Variants in ZNF697 observed in about 807,000 individuals in gnomAD.
The protein encoded by ZNF697 is zinc finger protein 697.
Under a neutral mutation model 32.4 loss-of-function variants are expected in ZNF697, and 23 were observed. That is an observed-to-expected ratio of 0.71 (90% confidence interval 0.51 to 1.01). The LOEUF (loss-of-function observed/expected upper bound fraction) is 1.01, where lower values mean the gene tolerates loss of function less well. ZNF697 is among the 50% of genes least tolerant of loss of function. The pLI is 0.00. For missense variants in ZNF697, 930 were observed against 794.0 expected (o/e 1.17, Z -2.06); for synonymous variants, 418 against 337.2 (o/e 1.24, Z -2.62).
chr1:119,634,631 C>A (rs1343854498), intron 1 of ZNF697, among the ~76,000 whole-genome samples: 1 of 152,108 alleles, frequency 6.6e-6, no homozygotes, highest in Non-Finnish European at 1.5e-5. Flanking sequence ...CAGCAAAAAC[C>A]AGATCATAGG....
In ZNF697 at chr1:119,648,232, G is replaced by GGCTGGCTGGCTGGCTC. The variant is rs1442687647; in HGVS notation, c.-580_-579insGAGCCAGCCAGCCAGC. Among the ~76,000 whole-genome samples, 2 of 149,000 alleles carry GGCTGGCTGGCTGGCTC rather than the reference G, an allele frequency of 1.3e-5. No individual in the cohort carries two copies. Among genetic ancestry groups the GGCTGGCTGGCTGGCTC allele is most frequent in the Non-Finnish European group, 3.0e-5 (2 of 67,108 alleles). On this transcript the variant is annotated 5_prime_UTR_variant, in exon 1 of 3. Transcript: ENST00000421812. ...TGGCTGGCTGGCTGGCTGGCTGGCT[G>GGCTGGCTGGCTGGCTC]GCTCGCTGGCTGGCTGCCCGGCTGA...
intron 1 of ZNF697, among the ~76,000 whole-genome samples, chr1:119,644,335 A>G (rs1649150225): frequency 6.6e-6 from 1 of 152,244 alleles, no homozygotes; most frequent in Non-Finnish European, 1.5e-5. Flanking sequence ...ACTGATGGTC[A>G]TTAGAGTTTA....
At position 119,622,456 on chromosome 1, in the gene ZNF697, T is replaced by C; in HGVS notation, c.*249A>G. On this transcript the variant is annotated 3_prime_UTR_variant, in exon 3 of 3. Transcript: ENST00000421812. ...AGCTCTTCACCCCCTACAGCGTGTA[T>C]TTAAGGAAGTCATCACCCCAAGCGC... 1 of 613,586 alleles carries C rather than the reference T, an allele frequency of 1.6e-6. No individual in the cohort carries two copies. The highest frequency in any genetic ancestry group is 2.5e-6 in the Non-Finnish European group (1 of 395,472). 38.0% of individuals were successfully genotyped at this position (613,586 alleles called of 1,614,324 possible). A position where few individuals can be genotyped will look rare whatever the true frequency, so the allele number is the denominator to read the frequency against.
At position 119,623,960 on chromosome 1, in the gene ZNF697, C is replaced by CGGTTCT; in HGVS notation, c.377_382dup (p.Asn127_Arg128insGlnAsn). On this transcript the variant is annotated inframe_insertion, in exon 3 of 3. Transcript: ENST00000421812. ...CGGCTGCTCCTCTTCCTCCTCCAGC[C>CGGTTCT]GGTTCTCCCCAGCACTCTCGTCGTC... 6.2e-7 allele frequency: 1 copy of CGGTTCT among 1,605,206 alleles called. No homozygotes were observed. Among genetic ancestry groups the CGGTTCT allele is most frequent in the Non-Finnish European group, 8.5e-7 (1 of 1,176,050 alleles).
At chr1:119,635,840 G>A (rs949739949) in intron 1 of ZNF697, among the ~76,000 whole-genome samples, 6 of 152,192 alleles carry the variant, frequency 3.9e-5, no homozygotes, top group African/African-American at 1.4e-4. Context: ...AGTGTTGTCA[G>A]ACAGTGCTCA....
intron 1 of ZNF697, among the ~76,000 whole-genome samples, chr1:119,638,665 T>G (rs1648987725): frequency 6.6e-6 from 1 of 152,196 alleles, no homozygotes; most frequent in South Asian, 2.1e-4. Flanking sequence ...GTTTTGCCTC[T>G]TCCTGTAGCT....
At position 119,622,659 on chromosome 1, in the gene ZNF697, A is replaced by G. The variant is rs1425260709; in HGVS notation, c.*46T>C. 1 of 1,463,354 alleles carries G rather than the reference A, an allele frequency of 6.8e-7. No homozygotes were observed. Among genetic ancestry groups the G allele is most frequent in the South Asian group, 1.4e-5 (1 of 71,600 alleles). The allele number at this position is 1,463,354 out of a possible 1,614,324, so 90.6% of individuals were successfully genotyped here. ...CCCCTGGGTCAGTCCCAGGATATCT[A>G]CCCCCCACAGGCTCCCCAGACGGCA... On this transcript the variant is annotated 3_prime_UTR_variant, in exon 3 of 3. Coordinates refer to ENST00000421812, the MANE Select transcript of ZNF697 (RefSeq NM_001080470.2).
At chr1:119,633,397 G>T (rs376965214) in intron 1 of ZNF697, among the ~76,000 whole-genome samples, 3 of 129,852 alleles carry the variant, frequency 2.3e-5, no homozygotes, top group African/African-American at 8.8e-5. Context: ...TGTGTGTATA[G>T]AGAGAGAGAG....
chr1:119,640,328 G>C (rs1649033785), intron 1 of ZNF697, among the ~76,000 whole-genome samples: 1 of 152,138 alleles, frequency 6.6e-6, no homozygotes, highest in South Asian at 2.1e-4. Context: ...CTAGTGATTT[G>C]GCAAAATCAC....
At position 119,623,301 on chromosome 1, in the gene ZNF697, C is replaced by A. The variant is rs1477675724; in HGVS notation, c.1042G>T (p.Ala348Ser). 7.4e-7 allele frequency: 1 copy of A among 1,360,308 alleles called. No individual in the cohort carries two copies. The highest frequency in any genetic ancestry group is 1.7e-5 in the South Asian group (1 of 59,970). 84.3% of individuals were successfully genotyped at this position (1,360,308 alleles called of 1,614,324 possible). Reference sequence around the variant, plus strand: ...CCGCAGGCGAAGGGCCGCAGCGCCGCCGCCCCCGCGCCGCTGGCCGCCGCG... The same window carrying A: ...CCGCAGGCGAAGGGCCGCAGCGCCGACGCCCCCGCGCCGCTGGCCGCCGCG... ...AHAAASGAGA[A>S]ALRPFACGEC... The change falls in exon 3 of 3, where the codon GCG (alanine) becomes TCG (serine). Residue 348 changes from alanine (A) to serine (S), a missense_variant. Transcript: ENST00000421812.
At chr1:119,631,419 A>G (rs1648764147) in intron 1 of ZNF697, among the ~76,000 whole-genome samples, 1 of 152,210 alleles carries the variant, frequency 6.6e-6, no homozygotes, top group Non-Finnish European at 1.5e-5. Flanking sequence ...CGTCTCTCTC[A>G]GGTAGAGACA....
intron 1 of ZNF697, among the ~76,000 whole-genome samples, chr1:119,639,641 G>A (rs903959609): frequency 6.6e-6 from 1 of 151,856 alleles, no homozygotes; most frequent in Non-Finnish European, 1.5e-5. Context: ...CACTTTTGGG[G>A]GCCAAAGCCA....
rs912970585 is a variant in ZNF697, at chr1:119,621,975, G to A, written c.*730C>T. 3 of 152,600 alleles carry A rather than the reference G, an allele frequency of 2.0e-5. No individual in the cohort carries two copies. Among genetic ancestry groups the A allele is most frequent in the African/African-American group, 4.8e-5 (2 of 41,454 alleles). 9.5% of individuals were successfully genotyped at this position (152,600 alleles called of 1,614,324 possible). On this transcript the variant is annotated 3_prime_UTR_variant, in exon 3 of 3. Transcript: ENST00000421812. ...CAGGTAAACCACCTTGACCCAGCAT[G>A]AAGCTAGAGTATTTTCAAGGAAGTA...
In ZNF697 at chr1:119,622,709, C is replaced by A; in HGVS notation, c.1634G>T (p.Cys545Phe). The A allele has an allele frequency of 6.5e-7, 1 of 1,528,532 alleles. No individual in the cohort carries two copies. The highest frequency in any genetic ancestry group is 8.8e-7 in the Non-Finnish European group (1 of 1,134,752). The allele number at this position is 1,528,532 out of a possible 1,614,324, so 94.7% of individuals were successfully genotyped here. A position where few individuals can be genotyped will look rare whatever the true frequency, so the allele number is the denominator to read the frequency against. ...AGCCTCCCGCGGACCCAGCCCCTAA[C>A]ACAGGTGCAGCTTCTGGTGCTGCGC... ...HLAQHQKLHL[C>F] is the part of the protein sequence containing the mutation. The change falls in exon 3 of 3, where the codon TGT becomes TTT. Residue 545 changes from cysteine (C) to phenylalanine (F), a missense_variant. By Grantham distance (205) the Cys-to-Phe change is radical. Coordinates refer to ENST00000421812, the MANE Select transcript of ZNF697 (RefSeq NM_001080470.2).
At chr1:119,642,934 G>A (rs1158252565) in intron 1 of ZNF697, among the ~76,000 whole-genome samples, 1 of 152,168 alleles carries the variant, frequency 6.6e-6, no homozygotes, top group African/African-American at 2.4e-5. Flanking sequence ...AGGCTTCCAG[G>A]TATGGGGGAC....
At position 119,622,402 on chromosome 1, in the gene ZNF697, T is replaced by A; in HGVS notation, c.*303A>T. On this transcript the variant is annotated 3_prime_UTR_variant, in exon 3 of 3. Transcript: ENST00000421812. ...CCTGTTCCCACCCCAGCCCACGAAC[T>A]GCCCTTCCTCAAAGTGCCTGGTCCT... is the stretch of plus-strand genomic sequence containing the variant. 1 of 300,078 alleles carries A rather than the reference T, an allele frequency of 3.3e-6. No homozygotes were observed. The highest frequency in any genetic ancestry group is 5.4e-6 in the Non-Finnish European group (1 of 183,804). The allele number at this position is 300,078 out of a possible 1,614,324, so 18.6% of individuals were successfully genotyped here. A position where few individuals can be genotyped will look rare whatever the true frequency, so the allele number is the denominator to read the frequency against.
At position 119,638,718 on chromosome 1, in the gene ZNF697, C is replaced by G. The variant is rs587619900; in HGVS notation, c.-38+8973G>C. 9.2e-5 allele frequency among the ~76,000 whole-genome samples: 14 copies of G among 152,288 alleles called. No homozygotes were observed. The South Asian group carries it at 2.7e-3, about 29-fold the overall frequency. The stretch of plus-strand genomic sequence containing the variant: ...CCAAAGACCTCACAAATTTGAACCT[C>G]TCACCCAACCCCTGACCTGCACTCC... On this transcript the variant is annotated intron_variant, in intron 1 of 2. Coordinates refer to ENST00000421812, the MANE Select transcript of ZNF697 (RefSeq NM_001080470.2).
intron 1 of ZNF697, among the ~76,000 whole-genome samples, chr1:119,634,437 CA>C (rs1369653725): frequency 1.3e-5 from 2 of 151,992 alleles, no homozygotes; most frequent in African/African-American, 4.8e-5. Context: ...AGATATCTTC[CA>C]AAAAGAAAAA....
rs587733957 is a variant in ZNF697, at chr1:119,642,060, C to T, written c.-38+5631G>A. Among the ~76,000 whole-genome samples, 16 of 152,160 alleles carry T rather than the reference C, an allele frequency of 1.1e-4. No homozygotes were observed. The South Asian group carries it at 1.5e-3, about 14-fold the overall frequency. ...GACAACATCAAATTAGCTATCAAGG[C>T]GTGAAAAAACATGGAGAAACCTTAA... On this transcript the variant is annotated intron_variant, in intron 1 of 2. Coordinates refer to ENST00000421812, the MANE Select transcript of ZNF697 (RefSeq NM_001080470.2).
Sources: gnomAD v4.1 joint callset for allele counts (sites outside exome capture counted in the v4.1 genomes callset) on GRCh38, gnomAD v4.1.1 for gene constraint, MANE v1.5 for transcripts, NCBI Gene and HGNC (gene_info 2026-07-23, HGNC 2026-07-21) for gene names.